Variants in KHDRBS2 observed in about 807,000 individuals in gnomAD.
The protein encoded by KHDRBS2 is KH domain-containing, RNA-binding, signal transduction-associated protein 2.
KHDRBS2 carries 26 observed loss-of-function variants against 44.3 expected under a neutral mutation model. That is an observed-to-expected ratio of 0.59 (90% CI 0.43 to 0.81). The LOEUF is 0.81. Among genes scored for constraint, KHDRBS2 ranks in the 40% least tolerant of loss-of-function variants. The pLI, the probability that KHDRBS2 is intolerant of heterozygous loss-of-function variation, is 0.00. For missense variants in KHDRBS2, 476 were observed against 433.1 expected, an observed-to-expected ratio of 1.10 and a Z score of -0.88; for synonymous variants, 194 against 151.1, an observed-to-expected ratio of 1.28 and a Z score of -2.08.
At chr6:61,726,948 A>G (rs1181264383) in intron 7 of KHDRBS2, among the ~76,000 whole-genome samples, 1 of 152,228 alleles carries the variant, frequency 6.6e-6, no homozygotes, top group Non-Finnish European at 1.5e-5. Flanking sequence ...GAACCAAAAA[A>G]GAGCCTGAAT....
At chr6:62,211,751 T>C (rs934050808) in intron 1 of KHDRBS2, among the ~76,000 whole-genome samples, 3 of 152,188 alleles carry the variant, frequency 2.0e-5, no homozygotes, top group Non-Finnish European at 2.9e-5. Context: ...AGTGGGGCGA[T>C]ACCTGAAAGA....
chr6:61,911,924 T>TGA (rs1806127686), intron 4 of KHDRBS2, among the ~76,000 whole-genome samples: 1 of 152,066 alleles, frequency 6.6e-6, no homozygotes, highest in South Asian at 2.1e-4. Context: ...CATACTATTC[T>TGA]TTCCGAATAT....
chr6:61,610,037 G>A, the KHDRBS2 span, among the ~76,000 whole-genome samples: 1 of 152,162 alleles, frequency 6.6e-6, no homozygotes, highest in South Asian at 2.1e-4. Context: ...TTAGCTGGGC[G>A]TGGTGGTTGG....
chr6:62,044,409 A>G (rs115037938), intron 3 of KHDRBS2, among the ~76,000 whole-genome samples: 43 of 152,030 alleles, frequency 2.8e-4, no homozygotes, highest in African/African-American at 9.6e-4. Context: ...CCTGAGCCCA[A>G]CGGTGGGTCA....
intron 2 of KHDRBS2, among the ~76,000 whole-genome samples, chr6:62,096,732 C>A (rs1229564797): frequency 6.6e-6 from 1 of 151,622 alleles, no homozygotes; most frequent in Non-Finnish European, 1.5e-5. Flanking sequence ...CTGCTCTTAT[C>A]TTTATTATTT....
At chr6:61,709,314 G>A (rs1192757401) in intron 7 of KHDRBS2, among the ~76,000 whole-genome samples, 2 of 151,544 alleles carry the variant, frequency 1.3e-5, no homozygotes, top group African/African-American at 4.8e-5. Flanking sequence ...GATTATTCAT[G>A]AGGACAGTGA....
chr6:61,885,604 C>A (rs534106677), intron 6 of KHDRBS2, among the ~76,000 whole-genome samples: 3 of 152,084 alleles, frequency 2.0e-5, no homozygotes, highest in African/African-American at 7.2e-5. Flanking sequence ...CTAAATAATG[C>A]AAACAAAATA....
intron 6 of KHDRBS2, among the ~76,000 whole-genome samples, chr6:61,797,544 C>T (rs941294001): frequency 6.6e-6 from 1 of 152,088 alleles, no homozygotes; most frequent in African/African-American, 2.4e-5. Context: ...TATGTAAGTG[C>T]TTTTCCCCTT....
chr6:62,198,545 G>T (rs1490091992), intron 1 of KHDRBS2, among the ~76,000 whole-genome samples: 1 of 152,120 alleles, frequency 6.6e-6, no homozygotes, highest in Non-Finnish European at 1.5e-5. Flanking sequence ...GGAAGAAGTT[G>T]AATCTCTTGA....
Position 62,144,164 on chromosome 6 carries a change from T to C in KHDRBS2, c.219+33021A>G, listed in dbSNP as rs188319996. On this transcript the variant is annotated intron_variant, in intron 2 of 8. Transcript: ENST00000281156. The stretch of plus-strand genomic sequence containing the variant: ...TCTATTTACTATATATTAAATAAAT[T>C]AGTGAAAACCTCTTAATAAAGACAA... Among the ~76,000 whole-genome samples the C allele has an allele frequency of 2.5e-4, 38 of 152,086 alleles. 1 individual carries two copies. The East Asian group carries it at 6.7e-3, about 27-fold the overall frequency.
rs548612915 is a variant in KHDRBS2, at chr6:62,150,189, G to A, written c.219+26996C>T. ...GTTGGTTCATCCATTGCCACATCCA[G>A]TTTCATCATGTAAAGGAATAATGTC... is the stretch of plus-strand genomic sequence containing the variant. On this transcript the variant is annotated intron_variant, in intron 2 of 8. Coordinates refer to ENST00000281156, the MANE Select transcript of KHDRBS2 (RefSeq NM_152688.4). Among the ~76,000 whole-genome samples, 14 of 151,986 alleles carry A rather than the reference G, an allele frequency of 9.2e-5. No individual in the cohort carries two copies. The South Asian group carries it at 2.7e-3, about 29-fold the overall frequency.
At chr6:61,586,844 C>G in the KHDRBS2 span, among the ~76,000 whole-genome samples, 1 of 152,184 alleles carries the variant, frequency 6.6e-6, no homozygotes, top group South Asian at 2.1e-4. Flanking sequence ...AAGCCAGCTT[C>G]ATCCTTGAAC....
the KHDRBS2 span, among the ~76,000 whole-genome samples, chr6:61,668,909 A>G: frequency 6.6e-6 from 1 of 151,076 alleles, no homozygotes; most frequent in South Asian, 2.1e-4. Context: ...GGACAAATCA[A>G]TACAATACAG....
intron 6 of KHDRBS2, among the ~76,000 whole-genome samples, chr6:61,878,319 A>T (rs1443005364): frequency 6.6e-6 from 1 of 151,956 alleles, no homozygotes; most frequent in East Asian, 1.9e-4. Context: ...TCTTTTTCAC[A>T]ATTCATTGTA....
chr6:61,988,941 A>C (rs1364117176), intron 3 of KHDRBS2, among the ~76,000 whole-genome samples: 2 of 152,218 alleles, frequency 1.3e-5, no homozygotes, highest in Non-Finnish European at 2.9e-5. Context: ...GCTGGAAAAA[A>C]GATGAACGCT....
chr6:62,007,423 T>C (rs1284932833), intron 3 of KHDRBS2, among the ~76,000 whole-genome samples: 1 of 151,906 alleles, frequency 6.6e-6, no homozygotes, highest in Non-Finnish European at 1.5e-5. Context: ...TCTTTTGTCA[T>C]ACATAGGCTT....
chr6:61,674,309 G>T, the KHDRBS2 span, among the ~76,000 whole-genome samples: 3 of 151,830 alleles, frequency 2.0e-5, no homozygotes, highest in East Asian at 3.9e-4. Flanking sequence ...CAGAAATTAT[G>T]TCAAGGCTAC....
At chr6:62,224,619 T>A (rs1280423293) in intron 1 of KHDRBS2, among the ~76,000 whole-genome samples, 1 of 152,190 alleles carries the variant, frequency 6.6e-6, no homozygotes, top group Non-Finnish European at 1.5e-5. Flanking sequence ...CACAATTTTC[T>A]CCCTATATAC....
intron 6 of KHDRBS2, among the ~76,000 whole-genome samples, chr6:61,803,566 T>C (rs1786635284): frequency 1.3e-5 from 2 of 152,164 alleles, no homozygotes; most frequent in Non-Finnish European, 2.9e-5. Context: ...TATTGGGCAG[T>C]GTATTGGTCC....
Sources: gnomAD v4.1 joint callset for allele counts (sites outside exome capture counted in the v4.1 genomes callset) on GRCh38, gnomAD v4.1.1 for gene constraint, MANE v1.5 for transcripts, NCBI Gene and HGNC (gene_info 2026-07-23, HGNC 2026-07-21) for gene names.